The following BICRAL variants were observed in gnomAD, a reference collection of about 807,000 sequenced individuals.
The protein encoded by BICRAL is BICRA like chromatin remodeling complex associated protein, also known as BRD4-interacting chromatin-remodeling complex-associated protein-like.
Under a neutral mutation model 91.8 loss-of-function variants are expected in BICRAL, and 8 were observed. That is an observed-to-expected ratio of 0.09 (90% CI 0.05 to 0.16). The LOEUF is 0.16. BICRAL is among the 10% of genes least tolerant of loss of function. The pLI is 1.00. For missense variants in BICRAL, 1,038 were observed against 1,310.9 expected (o/e 0.79, Z 3.21); for synonymous variants, 445 against 491.1 (o/e 0.91, Z 1.24).
chr6:42,754,268 TTCA>T (rs968340258), intron 1 of BICRAL, among the ~76,000 whole-genome samples: 19 of 151,462 alleles, frequency 1.3e-4, no homozygotes, highest in African/African-American at 4.6e-4. Flanking sequence ...ACCTCCCGAG[TTCA>T]TGCCATTCTC....
chr6:42,785,632 A>G (rs1332381555), intron 1 of BICRAL, among the ~76,000 whole-genome samples: 1 of 152,202 alleles, frequency 6.6e-6, no homozygotes, highest in Non-Finnish European at 1.5e-5. Context: ...AGACCCTGAT[A>G]TAAAGACCTG....
At chr6:42,774,360 T>C (rs1319817954) in intron 1 of BICRAL, among the ~76,000 whole-genome samples, 1 of 152,186 alleles carries the variant, frequency 6.6e-6, no homozygotes, top group East Asian at 1.9e-4. Context: ...CAAACATGCA[T>C]AGAGACTAGA....
chr6:42,862,332 C>T (rs1038983271), intron 11 of BICRAL, among the ~76,000 whole-genome samples, 178 bp from the exon 12 acceptor site: 4 of 152,056 alleles, frequency 2.6e-5, no homozygotes, highest in Admixed American at 6.6e-5. Flanking sequence ...CAGATGCCTC[C>T]AGGGAGAGGC....
chr6:42,819,904 G>A (rs1044138710), intron 2 of BICRAL, among the ~76,000 whole-genome samples: 2 of 152,128 alleles, frequency 1.3e-5, no homozygotes, highest in African/African-American at 2.4e-5. Flanking sequence ...GCTGATAGGG[G>A]GTAGATATTC....
chr6:42,796,506 G>T (rs1268027271), intron 1 of BICRAL, among the ~76,000 whole-genome samples: 1 of 152,108 alleles, frequency 6.6e-6, no homozygotes, highest in Non-Finnish European at 1.5e-5. Context: ...AAGAATTTTG[G>T]TTTTTACATG....
intron 2 of BICRAL, among the ~76,000 whole-genome samples, chr6:42,819,628 T>C (rs1027262319): frequency 6.6e-6 from 1 of 152,202 alleles, no homozygotes; most frequent in Admixed American, 6.5e-5. Flanking sequence ...ACAATTTTGC[T>C]CTGGTAAATT....
In BICRAL at chr6:42,853,751, T is replaced by C. The variant is rs1409705661; in HGVS notation, c.2046+13T>C. The C allele has an allele frequency of 6.7e-7, 1 of 1,501,126 alleles. No individual in the cohort carries two copies. Among genetic ancestry groups the C allele is most frequent in the Admixed American group, 1.7e-5 (1 of 59,806 alleles). The allele number at this position is 1,501,126 out of a possible 1,614,324, so 93.0% of individuals were successfully genotyped here. ...TCCAGCTGTGCAGGTAGAAAACTAT[T>C]GGCATAGCCTCTTCCTAATGTTCGG... is the stretch of plus-strand genomic sequence containing the variant. On this transcript the variant is annotated intron_variant, in intron 8 of 12. Transcript: ENST00000314073.
intron 1 of BICRAL, among the ~76,000 whole-genome samples, chr6:42,788,076 T>A (rs11963950): frequency 1.8e-4 from 28 of 151,528 alleles, no homozygotes; most frequent in East Asian, 3.9e-4. Context: ...TAAAAAAAAA[T>A]TTTTTTTATA....
intron 1 of BICRAL, among the ~76,000 whole-genome samples, chr6:42,796,600 G>A (rs1763417895): frequency 6.6e-6 from 1 of 152,130 alleles, no homozygotes; most frequent in Non-Finnish European, 1.5e-5. Context: ...ATAGATTCTA[G>A]ACTATAAAAG....
At chr6:42,849,806 C>T (rs1765123926) in intron 6 of BICRAL, among the ~76,000 whole-genome samples, 1 of 151,572 alleles carries the variant, frequency 6.6e-6, no homozygotes, top group Non-Finnish European at 1.5e-5. Flanking sequence ...AATCCCAGCA[C>T]TTTGGGAGGC....
chr6:42,851,679 G>C (rs984949372), intron 6 of BICRAL, among the ~76,000 whole-genome samples: 1 of 152,154 alleles, frequency 6.6e-6, no homozygotes, highest in Non-Finnish European at 1.5e-5. Context: ...GTTGGCCCTT[G>C]GTCCCTGACC....
intron 11 of BICRAL, among the ~76,000 whole-genome samples, chr6:42,861,658 G>A (rs1765559997): frequency 6.6e-6 from 1 of 152,144 alleles, no homozygotes; most frequent in Admixed American, 6.6e-5. Context: ...GAGTAAATGT[G>A]TATCCGTGTG....
chr6:42,774,634 A>AGTACTT (rs139654736), intron 1 of BICRAL, among the ~76,000 whole-genome samples: 43,666 of 151,800 alleles, frequency 0.29, 6,498 homozygotes, highest in South Asian at 0.44. Flanking sequence ...GGAGTATAAG[A>AGTACTT]GTACCTTTGC....
At chr6:42,851,110 G>A (rs1196495309) in intron 6 of BICRAL, among the ~76,000 whole-genome samples, 3 of 152,104 alleles carry the variant, frequency 2.0e-5, no homozygotes, top group African/African-American at 7.2e-5. Flanking sequence ...CATTGAACTT[G>A]GGAGACGGAG....
intron 1 of BICRAL, among the ~76,000 whole-genome samples, chr6:42,761,427 C>T (rs1330290266): frequency 6.6e-6 from 1 of 152,108 alleles, no homozygotes; most frequent in Non-Finnish European, 1.5e-5. Context: ...CCAGCCTGGG[C>T]AGCAGAGCTG....
chr6:42,792,793 A>T (rs1276101346), intron 1 of BICRAL, among the ~76,000 whole-genome samples: 1 of 151,762 alleles, frequency 6.6e-6, no homozygotes, highest in Non-Finnish European at 1.5e-5. Flanking sequence ...GGTACCTGTA[A>T]TCCCAGCTAT....
At chr6:42,802,813 A>G (rs755496992) in intron 1 of BICRAL, among the ~76,000 whole-genome samples, 1 of 151,920 alleles carries the variant, frequency 6.6e-6, no homozygotes, top group Non-Finnish European at 1.5e-5. Context: ...ACTCATGCAC[A>G]TAAACAGTCC....
At position 42,829,668 on chromosome 6, in the gene BICRAL, C is replaced by G. The variant is rs1308674816; in HGVS notation, c.1335C>G (p.Asn445Lys). Residue 445 changes from asparagine (N) to lysine (K), a missense_variant, in exon 6 of 13, where the codon AAC (asparagine) becomes AAG (lysine). By Grantham distance (94) the Asn-to-Lys change is moderately conservative. This residue lies in a region of BICRAL where 532 missense variants were observed against 724.9 expected (regional missense o/e 0.73). Coordinates refer to ENST00000314073, the MANE Select transcript of BICRAL (RefSeq NM_001393499.1). ...TGGCCTCAGAGCATGTCATGTTGAA[C>G]AGAAACTCTTCCAACATGCTCAGGA... ...GQVASEHVML[N>K]RNSSNMLRTN... The G allele has an allele frequency of 2.5e-6, 4 of 1,614,058 alleles. No homozygotes were observed. Among genetic ancestry groups the G allele is most frequent in the Non-Finnish European group, 2.5e-6 (3 of 1,180,008 alleles).
At chr6:42,844,876 G>A (rs1764945519) in intron 6 of BICRAL, among the ~76,000 whole-genome samples, 1 of 152,158 alleles carries the variant, frequency 6.6e-6, no homozygotes, top group Admixed American at 6.6e-5. Context: ...AGCATTGCTA[G>A]GATTCTTTGT....
Sources: allele counts gnomAD v4.1 joint callset (sites outside exome capture counted in the v4.1 genomes callset), GRCh38; gene constraint gnomAD v4.1.1; regional missense constraint gnomAD v4.1.1; transcripts MANE v1.5; gene names NCBI Gene and HGNC (gene_info 2026-07-23, HGNC 2026-07-21).